WWC2: variants seen among roughly 807,000 people sequenced by gnomAD.
The protein encoded by WWC2 is WW and C2 domain containing 2.
A neutral mutation model predicts 138.5 loss-of-function variants in WWC2; 101 were observed. The observed-to-expected ratio is 0.73, with a 90% CI of 0.62 to 0.86. The LOEUF (loss-of-function observed/expected upper bound fraction) is 0.86, where lower values mean the gene tolerates loss of function less well. Ranked by LOEUF, WWC2 falls within the 40% of genes least tolerant of loss-of-function variation. The pLI is 0.00. For missense variants in WWC2, 1,420 were observed against 1,419.4 expected, an observed-to-expected ratio of 1.00 and a Z score of -0.01; for synonymous variants, 558 against 538.4, an observed-to-expected ratio of 1.04 and a Z score of -0.50.
chr4:183,189,052 A>G (rs1734906871), intron 1 of WWC2, among the ~76,000 whole-genome samples: 1 of 151,440 alleles, frequency 6.6e-6, no homozygotes, highest in Admixed American at 6.6e-5. Flanking sequence ...CTTGAAAGCC[A>G]TTTTTTTTCT....
intron 8 of WWC2, among the ~76,000 whole-genome samples, chr4:183,250,747 A>G (rs1736953642): frequency 6.6e-6 from 1 of 152,160 alleles, no homozygotes; most frequent in Non-Finnish European, 1.5e-5. Context: ...TTAAAATGCC[A>G]TTGGGTTATT....
intron 1 of WWC2, among the ~76,000 whole-genome samples, chr4:183,190,868 C>T (rs115345694): frequency 0.013 from 2,008 of 152,272 alleles, 48 homozygotes; most frequent in African/African-American, 0.044. Flanking sequence ...TTATAACTTC[C>T]TATTCTTAAA....
intron 17 of WWC2, among the ~76,000 whole-genome samples, chr4:183,282,249 TC>T (rs1367252006): frequency 2.6e-5 from 4 of 152,192 alleles, no homozygotes; most frequent in African/African-American, 9.6e-5. Flanking sequence ...AAGAAAAACT[TC>T]CTTAACGTAG....
chr4:183,269,229 G>A, intron 15 of WWC2, 66 bp downstream of exon 15: 2 of 1,503,662 alleles, frequency 1.3e-6, no homozygotes. Flanking sequence ...GATATACTTT[G>A]TAGTTGCTAT....
intron 1 of WWC2, among the ~76,000 whole-genome samples, chr4:183,132,834 T>G (rs1192681684): frequency 1.3e-5 from 2 of 152,196 alleles, no homozygotes; most frequent in Non-Finnish European, 2.9e-5. Context: ...TTAATTTATA[T>G]TCTAACATCA....
chr4:183,236,882 A>G (rs558175898), intron 4 of WWC2, among the ~76,000 whole-genome samples: 31 of 152,318 alleles, frequency 2.0e-4, no homozygotes, highest in Admixed American at 5.2e-4. Context: ...CTTCCAATCC[A>G]TGAACATGGT....
intron 21 of WWC2, among the ~76,000 whole-genome samples, chr4:183,291,721 T>C (rs1231031187): frequency 6.6e-6 from 1 of 152,190 alleles, no homozygotes; most frequent in Non-Finnish European, 1.5e-5. Context: ...TTTTACTTAA[T>C]ATCATAACGC....
At chr4:183,152,530 TAAA>T (rs572757609) in intron 1 of WWC2, among the ~76,000 whole-genome samples, 1 of 126,258 alleles carries the variant, frequency 7.9e-6, no homozygotes, top group Non-Finnish European at 1.7e-5. Context: ...AAGTGAAACT[TAAA>T]AAAAAAAAAA....
intron 1 of WWC2, among the ~76,000 whole-genome samples, chr4:183,139,802 G>GGTTTTT (rs147410524): frequency 1.3e-5 from 2 of 152,138 alleles, no homozygotes; most frequent in South Asian, 2.1e-4. Flanking sequence ...GCAGGGAATT[G>GGTTTTT]GTTTTTGTTT....
chr4:183,297,050 C>G (rs1219799511), intron 21 of WWC2, among the ~76,000 whole-genome samples: 3 of 151,912 alleles, frequency 2.0e-5, no homozygotes, highest in Non-Finnish European at 2.9e-5. Flanking sequence ...CCACAGCCCA[C>G]TACAGCCTCA....
At chr4:183,112,167 A>C (rs1732258087) in intron 1 of WWC2, among the ~76,000 whole-genome samples, 1 of 152,234 alleles carries the variant, frequency 6.6e-6, no homozygotes, top group Non-Finnish European at 1.5e-5. Context: ...AAGACTACAA[A>C]ACTAACTTGA....
intron 5 of WWC2, among the ~76,000 whole-genome samples, chr4:183,241,082 C>T (rs1736602472): frequency 1.3e-5 from 2 of 152,196 alleles, no homozygotes; most frequent in Non-Finnish European, 2.9e-5. Context: ...GCCACATGAC[C>T]ACGGAGAGGA....
At chr4:183,154,851 C>T (rs1259930668) in intron 1 of WWC2, among the ~76,000 whole-genome samples, 2 of 152,116 alleles carry the variant, frequency 1.3e-5, no homozygotes, top group African/African-American at 2.4e-5. Context: ...GGCTCAGAAC[C>T]GCTCTACTGC....
intron 4 of WWC2, among the ~76,000 whole-genome samples, chr4:183,234,533 T>G (rs2111296330): frequency 6.6e-6 from 1 of 152,200 alleles, no homozygotes; most frequent in Admixed American, 6.5e-5. Context: ...CTAATTTGTC[T>G]TTCTTTTTAC....
intron 1 of WWC2, among the ~76,000 whole-genome samples, chr4:183,163,279 A>G (rs1418591383): frequency 6.6e-6 from 1 of 152,130 alleles, no homozygotes; most frequent in Non-Finnish European, 1.5e-5. Flanking sequence ...TCTGGTCCAC[A>G]CCCCACACTG....
intron 8 of WWC2, among the ~76,000 whole-genome samples, chr4:183,253,001 G>C (rs1737024600): frequency 6.6e-6 from 1 of 152,050 alleles, no homozygotes; most frequent in South Asian, 2.1e-4. Context: ...CAAGGAGCAG[G>C]GACCACAGGC....
chr4:183,240,838 G>T (rs984202546), intron 5 of WWC2, among the ~76,000 whole-genome samples: 1 of 152,196 alleles, frequency 6.6e-6, no homozygotes, highest in African/African-American at 2.4e-5. Flanking sequence ...ACTGAAGTTG[G>T]CTGGGCCGTT....
chr4:183,267,175 G>C (rs1392903227), intron 14 of WWC2, among the ~76,000 whole-genome samples: 1 of 152,012 alleles, frequency 6.6e-6, no homozygotes, highest in Non-Finnish European at 1.5e-5. Flanking sequence ...AGATTTTAAT[G>C]TGTTGACAAG....
chr4:183,315,843 A>C lies in WWC2; in HGVS notation c.*114A>C. On this transcript the variant is annotated 3_prime_UTR_variant, in exon 23 of 23. Transcript: ENST00000403733. ...GGTTTTTTTTGGTAACGTAACTGTC[A>C]ACTCTTGAAGAACTTTTATTTCACA... 4.2e-6 allele frequency: 3 copies of C among 715,056 alleles called. No individual in the cohort carries two copies. The highest frequency in any genetic ancestry group is 6.8e-6 in the Non-Finnish European group (3 of 440,600). The allele number at this position is 715,056 out of a possible 1,614,324, so 44.3% of individuals were successfully genotyped here.
Sources: gnomAD v4.1 joint callset for allele counts (sites outside exome capture counted in the v4.1 genomes callset) on GRCh38, gnomAD v4.1.1 for gene constraint, MANE v1.5 for transcripts, NCBI Gene and HGNC (gene_info 2026-07-23, HGNC 2026-07-21) for gene names.